Variants in DACH1 observed in about 807,000 individuals in gnomAD.
The protein encoded by DACH1 is dachshund family transcription factor 1.
DACH1 carries 12 observed loss-of-function variants against 54.2 expected under a neutral mutation model. The ratio of observed to expected loss-of-function variants is 0.22; its 90% CI spans 0.14 to 0.36. The LOEUF is 0.36. Among genes scored for constraint, DACH1 ranks in the 10% least tolerant of loss-of-function variants. The pLI, the probability that DACH1 is intolerant of heterozygous loss-of-function variation, is 1.00. For synonymous variants in DACH1, 386 were observed against 366.2 expected, an observed-to-expected ratio of 1.05 and a Z score of -0.62; for missense variants, 805 against 929.8, an observed-to-expected ratio of 0.87 and a Z score of 1.75.
chr13:71,812,018 T>C (rs898113679), intron 1 of DACH1, among the ~76,000 whole-genome samples: 3 of 152,222 alleles, frequency 2.0e-5, no homozygotes, highest in African/African-American at 7.2e-5. Flanking sequence ...GACTTACAAA[T>C]TAAAATGGTC....
intron 1 of DACH1, among the ~76,000 whole-genome samples, chr13:71,711,202 A>G (rs1483009204): frequency 6.6e-6 from 1 of 152,292 alleles, no homozygotes; most frequent in African/African-American, 2.4e-5. Context: ...AATACACAGC[A>G]ATAAAGAGCA....
At chr13:71,728,866 T>G (rs920591604) in intron 1 of DACH1, among the ~76,000 whole-genome samples, 9 of 152,058 alleles carry the variant, frequency 5.9e-5, no homozygotes, top group South Asian at 2.1e-4. Context: ...TAATAATGCT[T>G]ATTTTATTTC....
At chr13:71,734,831 C>T (rs1217750124) in intron 1 of DACH1, among the ~76,000 whole-genome samples, 3 of 138,220 alleles carry the variant, frequency 2.2e-5, no homozygotes, top group African/African-American at 5.4e-5. Flanking sequence ...ATCCCATATA[C>T]GTATACCCCA....
At chr13:71,864,691 G>A (rs1211966135) in intron 1 of DACH1, among the ~76,000 whole-genome samples, 2 of 152,088 alleles carry the variant, frequency 1.3e-5, no homozygotes. Context: ...AAGCGGCGCT[G>A]TGAAAGGGGG....
chr13:71,587,173 CAA>C (rs974198295), intron 3 of DACH1, among the ~76,000 whole-genome samples: 4 of 151,974 alleles, frequency 2.6e-5, no homozygotes, highest in Admixed American at 2.0e-4. Flanking sequence ...GTTTGTTGCA[CAA>C]GTTTTTAATA....
chr13:71,654,356 CT>C (rs1878898815), intron 2 of DACH1, among the ~76,000 whole-genome samples: 1 of 148,938 alleles, frequency 6.7e-6, no homozygotes, highest in Non-Finnish European at 1.5e-5. Context: ...CACCACCACA[CT>C]CCAGCCTGGG....
At chr13:71,753,685 T>C (rs960499154) in intron 1 of DACH1, among the ~76,000 whole-genome samples, 12 of 152,210 alleles carry the variant, frequency 7.9e-5, no homozygotes, top group Admixed American at 7.9e-4. Flanking sequence ...GGAAGAGCAC[T>C]TTAGAACTTT....
intron 1 of DACH1, among the ~76,000 whole-genome samples, chr13:71,693,235 A>T (rs1333793540): frequency 6.6e-6 from 1 of 151,564 alleles, no homozygotes; most frequent in African/African-American, 2.4e-5. Flanking sequence ...GTAAGTCCAC[A>T]TACACACACA....
In DACH1 at chr13:71,639,087, G is replaced by A. The variant is rs376366387; in HGVS notation, c.965-8370C>T. ...CACTCCAAGTCTTAGAAGAACTCTT[G>A]GCTCAATATAACAATTTGAAAACAC... On this transcript the variant is annotated intron_variant, in intron 2 of 10. Transcript: ENST00000613252. Among the ~76,000 whole-genome samples, 67 of 152,180 alleles carry A rather than the reference G, an allele frequency of 4.4e-4. 1 individual carries two copies. The highest frequency in any genetic ancestry group is 1.9e-3 in the South Asian group (9 of 4,822).
intron 6 of DACH1, among the ~76,000 whole-genome samples, chr13:71,504,004 A>AGCT (rs1420404687): frequency 1.3e-5 from 2 of 152,204 alleles, no homozygotes; most frequent in African/African-American, 2.4e-5. Flanking sequence ...TTAACAGCAC[A>AGCT]GCTGCTATTT....
At chr13:71,803,814 G>A (rs1416214313) in intron 1 of DACH1, among the ~76,000 whole-genome samples, 2 of 151,946 alleles carry the variant, frequency 1.3e-5, no homozygotes, top group African/African-American at 2.4e-5. Context: ...CAATGAAAAC[G>A]GGCTGATATC....
intron 2 of DACH1, among the ~76,000 whole-genome samples, chr13:71,661,199 A>T (rs895801265): frequency 2.6e-5 from 4 of 151,322 alleles, no homozygotes; most frequent in African/African-American, 9.7e-5. Flanking sequence ...AACAATTTTA[A>T]TTTTGTTACA....
At chr13:71,589,336 T>C (rs1873523645) in intron 3 of DACH1, among the ~76,000 whole-genome samples, 1 of 152,026 alleles carries the variant, frequency 6.6e-6, no homozygotes, top group Admixed American at 6.6e-5. Context: ...ATGCTTTAAG[T>C]ATCCCTAAAA....
intron 1 of DACH1, among the ~76,000 whole-genome samples, chr13:71,787,367 T>A (rs1886637848): frequency 6.6e-6 from 1 of 152,202 alleles, no homozygotes; most frequent in African/African-American, 2.4e-5. Context: ...ATCATCAGCA[T>A]GAAATTTTTA....
chr13:71,818,847 T>C (rs1888070864), intron 1 of DACH1, among the ~76,000 whole-genome samples: 1 of 152,212 alleles, frequency 6.6e-6, no homozygotes, highest in Non-Finnish European at 1.5e-5. Context: ...ATATAGCAAG[T>C]TCCCAAAGCA....
chr13:71,765,376 A>G (rs1003994657), intron 1 of DACH1, among the ~76,000 whole-genome samples: 1 of 152,186 alleles, frequency 6.6e-6, no homozygotes, highest in Non-Finnish European at 1.5e-5. Flanking sequence ...TCACTGTTTC[A>G]GTAAAGGCTC....
At chr13:71,658,855 T>C (rs1357281755) in intron 2 of DACH1, among the ~76,000 whole-genome samples, 3 of 152,176 alleles carry the variant, frequency 2.0e-5, no homozygotes, top group Non-Finnish European at 2.9e-5. Flanking sequence ...TAAGCACACA[T>C]ATACTTCCTT....
chr13:71,482,613 C>G (rs1340774773), intron 7 of DACH1, among the ~76,000 whole-genome samples: 2 of 152,034 alleles, frequency 1.3e-5, no homozygotes, highest in Non-Finnish European at 2.9e-5. Flanking sequence ...GACTGAAAAT[C>G]CCAAATACTG....
intron 4 of DACH1, among the ~76,000 whole-genome samples, chr13:71,572,598 A>G (rs1885279722): frequency 6.6e-6 from 1 of 152,160 alleles, no homozygotes; most frequent in African/African-American, 2.4e-5. Context: ...AATTTGAACT[A>G]TAACATTTAA....
Sources: gnomAD v4.1 joint callset for allele counts (sites outside exome capture counted in the v4.1 genomes callset) on GRCh38, gnomAD v4.1.1 for gene constraint, MANE v1.5 for transcripts, NCBI Gene and HGNC (gene_info 2026-07-23, HGNC 2026-07-21) for gene names.